ZNG1A: variants seen among roughly 807,000 people sequenced by gnomAD.
The protein encoded by ZNG1A is Zn regulated GTPase metalloprotein activator 1A.
At chr9:173,889 T>TA in the ZNG1A span, among the ~76,000 whole-genome samples, 1 of 152,160 alleles carries the variant, frequency 6.6e-6, no homozygotes, top group South Asian at 2.1e-4. Context: ...CGTGCTCATT[T>TA]AAAAATTAAA....
the ZNG1A span, chr9:135,132 A>C: frequency 6.9e-7 from 1 of 1,444,874 alleles, no homozygotes; most frequent in Non-Finnish European, 9.4e-7. Flanking sequence ...TCCATAACTG[A>C]CTATTCTAAT....
the ZNG1A span, among the ~76,000 whole-genome samples, chr9:139,947 T>C: frequency 3.3e-5 from 5 of 150,444 alleles, 1 homozygote; most frequent in Non-Finnish European, 7.4e-5. Context: ...ATACTGCGCT[T>C]TTCCGATGGG....
chr9:139,424 A>T, the ZNG1A span, among the ~76,000 whole-genome samples: 1 of 142,972 alleles, frequency 7.0e-6, no homozygotes, highest in East Asian at 2.1e-4. Flanking sequence ...AGAGTGAAAC[A>T]TTCCAGAGAT....
At chr9:144,536 A>C in the ZNG1A span, among the ~76,000 whole-genome samples, 13 of 152,254 alleles carry the variant, frequency 8.5e-5, no homozygotes, top group South Asian at 2.7e-3. Flanking sequence ...ACCTTATACA[A>C]AAATCAATTC....
At chr9:149,996 T>C in the ZNG1A span, 1 of 151,136 alleles carries the variant, frequency 6.6e-6, no homozygotes, top group Non-Finnish European at 1.5e-5. Context: ...TTTCTACACA[T>C]GCTTATAGCA....
At chr9:137,514 C>A in the ZNG1A span, among the ~76,000 whole-genome samples, 2 of 152,066 alleles carry the variant, frequency 1.3e-5, no homozygotes, top group Non-Finnish European at 2.9e-5. Context: ...CCAGACACGG[C>A]GGATGAAAGG....
the ZNG1A span, among the ~76,000 whole-genome samples, chr9:127,712 T>TTC: frequency 2.6e-5 from 4 of 152,176 alleles, no homozygotes; most frequent in African/African-American, 7.2e-5. Flanking sequence ...TACCACTCTA[T>TTC]TCATCATGCT....
At chr9:128,576 C>T in the ZNG1A span, among the ~76,000 whole-genome samples, 1 of 146,114 alleles carries the variant, frequency 6.8e-6, no homozygotes, top group African/African-American at 2.6e-5. Context: ...ATATTTCTCC[C>T]TTTACTTCTT....
At chr9:125,199 A>G in the ZNG1A span, among the ~76,000 whole-genome samples, 8 of 151,440 alleles carry the variant, frequency 5.3e-5, no homozygotes, top group Non-Finnish European at 1.0e-4. Context: ...CGTGTTCACC[A>G]CATCCATGCC....
At chr9:173,719 T>C in the ZNG1A span, among the ~76,000 whole-genome samples, 1 of 152,136 alleles carries the variant, frequency 6.6e-6, no homozygotes, top group Non-Finnish European at 1.5e-5. Context: ...ATGTTTTATA[T>C]ACTGGATTTT....
At chr9:156,964 A>T in the ZNG1A span, among the ~76,000 whole-genome samples, 2 of 147,824 alleles carry the variant, frequency 1.4e-5, no homozygotes, top group Non-Finnish European at 3.0e-5. Context: ...AATCTAATAT[A>T]CTTCCCTTCA....
At chr9:139,052 C>T in the ZNG1A span, among the ~76,000 whole-genome samples, 1 of 149,070 alleles carries the variant, frequency 6.7e-6, no homozygotes, top group East Asian at 1.9e-4. Flanking sequence ...CTTCTATGGA[C>T]ATATACGAGA....
At chr9:173,637 C>T in the ZNG1A span, among the ~76,000 whole-genome samples, 1 of 152,112 alleles carries the variant, frequency 6.6e-6, no homozygotes, top group African/African-American at 2.4e-5. Context: ...TGGCCACCCC[C>T]ATTTCTTAAT....
the ZNG1A span, chr9:153,087 AGCT>A: frequency 1.5e-3 from 223 of 146,372 alleles, no homozygotes; most frequent in African/African-American, 4.7e-3. Flanking sequence ...ACTGTTAACA[AGCT>A]GGCTAATAGT....
chr9:139,609 G>C, the ZNG1A span, among the ~76,000 whole-genome samples: 3 of 152,076 alleles, frequency 2.0e-5, no homozygotes, highest in African/African-American at 4.8e-5. Context: ...TTCCCCACAG[G>C]AGAAGGCAGA....
the ZNG1A span, chr9:156,640 T>C: frequency 2.4e-6 from 3 of 1,237,158 alleles, no homozygotes; most frequent in East Asian, 4.8e-5. Context: ...AACTTCAACA[T>C]GTTCTCTTAC....
the ZNG1A span, among the ~76,000 whole-genome samples, chr9:126,756 C>G: frequency 1.3e-5 from 2 of 151,668 alleles, no homozygotes; most frequent in South Asian, 2.1e-4. Flanking sequence ...GTTCTTGTTT[C>G]TCTAGTTCCT....
At chr9:128,517 A>T in the ZNG1A span, among the ~76,000 whole-genome samples, 1 of 146,420 alleles carries the variant, frequency 6.8e-6, no homozygotes, top group African/African-American at 2.5e-5. Context: ...TATGTCCATT[A>T]TTTCCTAAAG....
At chr9:140,115 T>A in the ZNG1A span, among the ~76,000 whole-genome samples, 1 of 150,742 alleles carries the variant, frequency 6.6e-6, no homozygotes. Flanking sequence ...CAGGCTTGAT[T>A]AGGTAAACAA....
Sources: allele counts gnomAD v4.1 joint callset (sites outside exome capture counted in the v4.1 genomes callset), GRCh38; gene constraint gnomAD v4.1.1; transcripts MANE v1.5; gene names NCBI Gene and HGNC (gene_info 2026-07-23, HGNC 2026-07-21).